AGAP1: variants seen among roughly 807,000 people sequenced by gnomAD.
AGAP1 encodes ArfGAP with GTPase domain, ankyrin repeat and PH domain 1, also known as arf-GAP with GTPase, ANK repeat and PH domain-containing protein 1.
A neutral mutation model predicts 105.3 loss-of-function variants in AGAP1; 29 were observed. The ratio of observed to expected loss-of-function variants is 0.28; its 90% CI spans 0.21 to 0.38. AGAP1 has a LOEUF of 0.38. Ranked by LOEUF, AGAP1 falls within the 10% of genes least tolerant of loss-of-function variation. AGAP1 has a pLI of 1.00. For missense variants in AGAP1, 998 were observed against 1,165.1 expected, an observed-to-expected ratio of 0.86 and a Z score of 2.09; for synonymous variants, 509 against 485.9, an observed-to-expected ratio of 1.05 and a Z score of -0.63.
intron 8 of AGAP1, among the ~76,000 whole-genome samples, chr2:235,800,265 A>C (rs1198807331): frequency 7.0e-6 from 1 of 142,046 alleles, no homozygotes; most frequent in East Asian, 2.0e-4. Context: ...CGTGTGGCTA[A>C]TTTTTTTTTT....
intron 15 of AGAP1, among the ~76,000 whole-genome samples, chr2:236,043,424 C>G (rs955440173): frequency 6.6e-6 from 1 of 152,108 alleles, no homozygotes; most frequent in Non-Finnish European, 1.5e-5. Flanking sequence ...CTTTAAAAAT[C>G]ATGGAAAAAG....
At position 235,982,206 on chromosome 2, in the gene AGAP1, C is replaced by T. The variant is rs1392219543; in HGVS notation, c.1645+13583C>T. ...TCGCAGCCTGGTAATTTTACCTGGA[C>T]AAGTAAATCCATTTCTCACATTTAA... On this transcript the variant is annotated intron_variant, in intron 13 of 17. Coordinates refer to ENST00000304032, the MANE Select transcript of AGAP1 (RefSeq NM_001037131.3). The surrounding 1 kb of genome is among the most constrained non-coding windows in gnomAD (Gnocchi z 4.9). Among the ~76,000 whole-genome samples, 5 of 152,142 alleles carry T rather than the reference C, an allele frequency of 3.3e-5. No homozygotes were observed. Among genetic ancestry groups the T allele is most frequent in the Admixed American group, 1.3e-4 (2 of 15,276 alleles).
intron 9 of AGAP1, among the ~76,000 whole-genome samples, chr2:235,809,417 C>T (rs535472718): frequency 6.6e-6 from 1 of 152,256 alleles, no homozygotes; most frequent in East Asian, 1.9e-4. Flanking sequence ...TTGTCCCCCT[C>T]TTGCAGCCAC....
intron 9 of AGAP1, among the ~76,000 whole-genome samples, chr2:235,831,403 G>A (rs899927826): frequency 6.6e-6 from 1 of 152,094 alleles, no homozygotes; most frequent in African/African-American, 2.4e-5. Flanking sequence ...ATAATGAGCT[G>A]TATCCACCAC....
At chr2:235,576,424 C>A (rs892440024) in intron 1 of AGAP1, among the ~76,000 whole-genome samples, 1 of 152,160 alleles carries the variant, frequency 6.6e-6, no homozygotes, top group South Asian at 2.1e-4. Flanking sequence ...TGCTGTTTCC[C>A]CTGAAGTTTG....
intron 9 of AGAP1, among the ~76,000 whole-genome samples, chr2:235,820,123 G>A (rs1364311499): frequency 6.6e-6 from 1 of 152,004 alleles, no homozygotes. Flanking sequence ...CGGTCTTCAA[G>A]TCCCAACCTC....
rs1574825966 is a variant in AGAP1, at chr2:235,549,071, C to A, written c.163+54222C>A. On this transcript the variant is annotated intron_variant, in intron 1 of 17. Transcript: ENST00000304032. The surrounding 1 kb of genome is among the most constrained non-coding windows in gnomAD (Gnocchi z 4.2). ...TTGTGCAGAAACTGGGACCTGCTCT[C>A]CTTGTAGAGACACAACCCCAGGGTA... Among the ~76,000 whole-genome samples, 2 of 152,172 alleles carry A rather than the reference C, an allele frequency of 1.3e-5. No homozygotes were observed.
chr2:235,871,426 C>T (rs866486343), intron 9 of AGAP1, among the ~76,000 whole-genome samples: 2 of 152,092 alleles, frequency 1.3e-5, no homozygotes, highest in African/African-American at 4.8e-5. Context: ...GTGGGGTGGC[C>T]GGGAGGGGGC....
chr2:236,017,165 C>T (rs868421880), intron 13 of AGAP1, among the ~76,000 whole-genome samples: 1 of 151,782 alleles, frequency 6.6e-6, no homozygotes, highest in Middle Eastern at 3.4e-3. Context: ...TAGTGGCGAG[C>T]ACCTGTAATC....
chr2:235,716,176 A>G lies in AGAP1; in HGVS notation c.223-1381A>G, dbSNP rs985813745. ...CATTGAGAGAAGGTTGGATGTGGAC[A>G]GGCGCATGTTGGGACATTAGAGTGG... is the stretch of plus-strand genomic sequence containing the variant. On this transcript the variant is annotated intron_variant, in intron 2 of 17. Transcript: ENST00000304032. The surrounding 1 kb of genome is among the most constrained non-coding windows in gnomAD (Gnocchi z 4.0). 5.3e-5 allele frequency among the ~76,000 whole-genome samples: 8 copies of G among 152,166 alleles called. No individual in the cohort carries two copies. Among genetic ancestry groups the G allele is most frequent in the African/African-American group, 1.7e-4 (7 of 41,438 alleles).
intron 13 of AGAP1, among the ~76,000 whole-genome samples, chr2:236,034,026 C>A (rs2057304765): frequency 6.6e-6 from 1 of 152,186 alleles, no homozygotes; most frequent in Non-Finnish European, 1.5e-5. Context: ...CTATGAATTA[C>A]CAAGTTTTCC....
chr2:235,882,771 G>A lies in AGAP1; in HGVS notation c.1051-574G>A, dbSNP rs13399472. Among the ~76,000 whole-genome samples the A allele has an allele frequency of 0.023, 3,532 of 152,000 alleles. 127 individuals are homozygous for A. The highest frequency in any genetic ancestry group is 0.075 in the African/African-American group (3,088 of 41,442). ...ATTACAGGCGTGAGCCACCGTGCCC[G>A]GCCTGGTTAATGCAGTTTTTTTAGT... On this transcript the variant is annotated intron_variant, in intron 9 of 17. Coordinates refer to ENST00000304032, the MANE Select transcript of AGAP1 (RefSeq NM_001037131.3). This position sits in a 1 kb window ranked among gnomAD's most constrained non-coding sequence, Gnocchi z 4.6.
In AGAP1 at chr2:235,843,401, C is replaced by G. The variant is rs115927674; in HGVS notation, c.1050+36070C>G. On this transcript the variant is annotated intron_variant, in intron 9 of 17. Coordinates refer to ENST00000304032, the MANE Select transcript of AGAP1 (RefSeq NM_001037131.3). The surrounding 1 kb of genome is among the most constrained non-coding windows in gnomAD (Gnocchi z 5.9). ...TTTCAGAATTCCTCCTCGGTGTCTG[C>G]TTATTGCATGGCACGGTCTGGTTGG... 7.5e-3 allele frequency among the ~76,000 whole-genome samples: 1,138 copies of G among 152,212 alleles called. 12 individuals are homozygous for G. Among genetic ancestry groups the G allele is most frequent in the African/African-American group, 0.025 (1,047 of 41,528 alleles).
chr2:235,828,324 A>G (rs546502179), intron 9 of AGAP1, among the ~76,000 whole-genome samples: 24 of 152,236 alleles, frequency 1.6e-4, no homozygotes, highest in African/African-American at 5.5e-4. Flanking sequence ...CCAGACCCCT[A>G]GAGTAGCTCT....
In AGAP1 at chr2:235,965,874, C is replaced by G. The variant is rs1314705254; in HGVS notation, c.1484-2588C>G. Reference sequence around the variant, plus strand: ...GAGGAATGAGTGGAAGTGACCTGGCCAAGACACCTGAGGATGAAAGATGGG... The same window carrying G: ...GAGGAATGAGTGGAAGTGACCTGGCGAAGACACCTGAGGATGAAAGATGGG... On this transcript the variant is annotated intron_variant, in intron 12 of 17. Transcript: ENST00000304032. This position sits in a 1 kb window ranked among gnomAD's most constrained non-coding sequence, Gnocchi z 5.8. Among the ~76,000 whole-genome samples the G allele has an allele frequency of 6.6e-6, 1 of 152,100 alleles. No individual in the cohort carries two copies. Among genetic ancestry groups the G allele is most frequent in the Non-Finnish European group, 1.5e-5 (1 of 68,020 alleles).
chr2:236,075,008 A>C lies in AGAP1; in HGVS notation c.2114+25727A>C, dbSNP rs186632194. ...GTGGAGGTTGCAGTGAGCCAAGATCACTCCACTGCACTCCAGCTTAGACGA... is the reference window on the plus strand; with the variant it reads ...GTGGAGGTTGCAGTGAGCCAAGATCCCTCCACTGCACTCCAGCTTAGACGA... On this transcript the variant is annotated intron_variant, in intron 16 of 17. Coordinates refer to ENST00000304032, the MANE Select transcript of AGAP1 (RefSeq NM_001037131.3). Among the ~76,000 whole-genome samples the C allele has an allele frequency of 3.2e-3, 491 of 152,158 alleles. 1 individual carries two copies. The highest frequency in any genetic ancestry group is 0.014 in the Middle Eastern group (4 of 294).
At chr2:235,565,212 G>T (rs1944310577) in intron 1 of AGAP1, among the ~76,000 whole-genome samples, 4 of 152,030 alleles carry the variant, frequency 2.6e-5, no homozygotes. Context: ...CCAGGGCCAG[G>T]TGTGAGCCAG....
intron 3 of AGAP1, among the ~76,000 whole-genome samples, chr2:235,722,934 A>G (rs1951461448): frequency 6.6e-6 from 1 of 152,190 alleles, no homozygotes; most frequent in East Asian, 1.9e-4. Flanking sequence ...CTCATGTGTT[A>G]AGAAAGTTTA....
At chr2:235,814,183 ATGTC>A (rs1261669113) in intron 9 of AGAP1, among the ~76,000 whole-genome samples, 1 of 152,156 alleles carries the variant, frequency 6.6e-6, no homozygotes, top group East Asian at 1.9e-4. Context: ...GTCCTCGCCT[ATGTC>A]TGTGGGCACA....
Sources: gnomAD v4.1 joint callset for allele counts (sites outside exome capture counted in the v4.1 genomes callset) on GRCh38, gnomAD v4.1.1 for gene constraint, Gnocchi (gnomAD v3.1) non-coding constraint, MANE v1.5 for transcripts, NCBI Gene and HGNC (gene_info 2026-07-23, HGNC 2026-07-21) for gene names.